Variants in EVL observed in about 807,000 individuals in gnomAD.
EVL encodes Enah/Vasp-like, also known as ena/VASP-like protein.
In EVL, 21 loss-of-function variants were observed where a neutral mutation model predicts 59.6. The observed-to-expected ratio is 0.35, with a 90% CI of 0.25 to 0.51. The LOEUF is 0.51. Among genes scored for constraint, EVL ranks in the 20% least tolerant of loss-of-function variants. The pLI, the probability that EVL is intolerant of heterozygous loss-of-function variation, is 0.97. For synonymous variants in EVL, 198 were observed against 203.5 expected (o/e 0.97, Z 0.23); for missense variants, 462 against 546.6 (o/e 0.85, Z 1.54).
At position 100,041,903 on chromosome 14, in the gene EVL, T is replaced by C. The variant is rs577019375; in HGVS notation, c.6-42784T>C. Among the ~76,000 whole-genome samples the C allele has an allele frequency of 2.0e-5, 3 of 152,288 alleles. No homozygotes were observed. The South Asian group carries it at 6.2e-4, about 32-fold the overall frequency. ...AAACATTTCTAAGGTGGGAATCAAT[T>C]AATTGGAGAACAGAGAATAGTGAAT... On this transcript the variant is annotated intron_variant, in intron 1 of 13. Coordinates refer to the EVL transcript ENST00000402714.
rs1013028657 is a variant in EVL at position 100,143,848 on chromosome 14, G to A, written c.*110G>A. The A allele has an allele frequency of 2.0e-5, 27 of 1,343,040 alleles. No individual in the cohort carries two copies. Among genetic ancestry groups the A allele is most frequent in the Non-Finnish European group, 2.6e-5 (25 of 969,852 alleles). The allele number at this position is 1,343,040 out of a possible 1,614,324, so 83.2% of individuals were successfully genotyped here. On this transcript the variant is annotated 3_prime_UTR_variant, in exon 14 of 14. Transcript: ENST00000392920. ...CACCAGAGCACGCACAGGAGCCTGG[G>A]CGCGCTGCTGTGAAACGTCCTGACC...
chr14:99,974,042 C>A (rs1235248404), intron 1 of EVL, among the ~76,000 whole-genome samples: 3 of 152,092 alleles, frequency 2.0e-5, no homozygotes, highest in Admixed American at 1.3e-4. Context: ...GCAACAAATT[C>A]TTAGTGTTTG....
chr14:100,033,777 A>T (rs1354061610), intron 1 of EVL, among the ~76,000 whole-genome samples: 1 of 152,222 alleles, frequency 6.6e-6, no homozygotes. Context: ...AGTGAGTCAT[A>T]TGCTGGTTTA....
At chr14:100,038,631 G>C (rs958031859) in intron 1 of EVL, among the ~76,000 whole-genome samples, 1 of 152,088 alleles carries the variant, frequency 6.6e-6, no homozygotes, top group Non-Finnish European at 1.5e-5. Context: ...ATTATTAACT[G>C]CTCATAATAA....
chr14:99,996,353 G>A (rs892205347), intron 1 of EVL, among the ~76,000 whole-genome samples: 1 of 151,984 alleles, frequency 6.6e-6, no homozygotes, highest in African/African-American at 2.4e-5. Context: ...AGGAGGATCT[G>A]GTGTTTTCTA....
intron 1 of EVL, among the ~76,000 whole-genome samples, chr14:100,010,617 A>T (rs58361754): frequency 0.054 from 8,200 of 152,180 alleles, 782 homozygotes; most frequent in African/African-American, 0.19. Flanking sequence ...GGCTGGTCTC[A>T]AACTCCTGAC....
chr14:100,023,152 C>A (rs949901197), intron 1 of EVL, among the ~76,000 whole-genome samples: 1 of 151,420 alleles, frequency 6.6e-6, no homozygotes, highest in Non-Finnish European at 1.5e-5. Context: ...GCAAGCTGTT[C>A]TAGCTGGCTC....
At chr14:100,088,266 A>C (rs1034530445) in intron 2 of EVL, among the ~76,000 whole-genome samples, 9 of 152,206 alleles carry the variant, frequency 5.9e-5, no homozygotes, top group Non-Finnish European at 1.0e-4. Flanking sequence ...AGATCCAGGC[A>C]TATATGGGGT....
In EVL at chr14:100,110,325, G is replaced by T. The variant is rs189251799; in HGVS notation, c.358+12667G>T. Among the ~76,000 whole-genome samples, 137 of 152,146 alleles carry T rather than the reference G, an allele frequency of 9.0e-4. No individual in the cohort carries two copies. In the South Asian group the frequency reaches 9.3e-3, roughly 10 times the overall value. On this transcript the variant is annotated intron_variant, in intron 3 of 13. Transcript: ENST00000392920. ...GGAGTCTGAGGCTGCAGTGAGCCAT[G>T]GTTACACCACTGCACTTCAGCCTGG... is the stretch of plus-strand genomic sequence containing the variant.
chr14:100,112,700 C>T (rs924129022), intron 3 of EVL, among the ~76,000 whole-genome samples: 7 of 152,200 alleles, frequency 4.6e-5, no homozygotes, highest in African/African-American at 7.2e-5. Flanking sequence ...TCACTTCTTC[C>T]GGGTGTCTGC....
intron 2 of EVL, among the ~76,000 whole-genome samples, chr14:100,089,894 C>T (rs1423579902): frequency 2.0e-5 from 3 of 152,096 alleles, no homozygotes; most frequent in African/African-American, 7.2e-5. Context: ...GGTGGTACTA[C>T]TGCACTCCAG....
At chr14:100,051,346 T>G (rs1165030403) in intron 1 of EVL, among the ~76,000 whole-genome samples, 3 of 152,174 alleles carry the variant, frequency 2.0e-5, no homozygotes, top group African/African-American at 7.2e-5. Flanking sequence ...TTGCTTATGA[T>G]GTATACATAG....
At chr14:100,067,579 G>T (rs1383984459) in intron 1 of EVL, among the ~76,000 whole-genome samples, 2 of 152,218 alleles carry the variant, frequency 1.3e-5, no homozygotes, top group African/African-American at 2.4e-5. Context: ...GCCTCAGCGG[G>T]ACTACAGGTG....
intron 1 of EVL, among the ~76,000 whole-genome samples, chr14:100,054,968 A>C (rs1348179674): frequency 6.6e-6 from 1 of 152,080 alleles, no homozygotes; most frequent in Non-Finnish European, 1.5e-5. Flanking sequence ...TTGGGAGGCC[A>C]AGGTGGGCAG....
rs370121912 is a variant in EVL at position 100,143,735 on chromosome 14, G to T, written c.1254G>T (p.Thr418=). The T allele has an allele frequency of 4.3e-5, 69 of 1,612,266 alleles. No individual in the cohort carries two copies. The highest frequency in any genetic ancestry group is 5.7e-5 in the Non-Finnish European group (67 of 1,179,876). The change falls in exon 14 of 14, where the codon ACG becomes ACT. Residue 418 remains threonine (T), a synonymous_variant. Transcript: ENST00000392920. ...IRQELSGIST[T] ...AGGAGCTGAGTGGGATCAGCACCAC[G>T]TAAGGGGCCGGCCTCGCTGCGCTGA...
At chr14:100,078,450 T>A (rs1410014341) in intron 1 of EVL, among the ~76,000 whole-genome samples, 1 of 151,946 alleles carries the variant, frequency 6.6e-6, no homozygotes, top group African/African-American at 2.4e-5. Flanking sequence ...GCCCAGTGAC[T>A]CGAGAGCCGG....
intron 1 of EVL, among the ~76,000 whole-genome samples, chr14:100,081,203 TGTATGATACAGA>T (rs1384767789): frequency 6.6e-6 from 1 of 152,186 alleles, no homozygotes; most frequent in African/African-American, 2.4e-5. Flanking sequence ...AGGGAGGGTG[TGTATGATACAGA>T]GTTTGAGTAT....
chr14:100,016,018 G>A lies in EVL; in HGVS notation c.5+43961G>A, dbSNP rs141593830. ...CACATGAACCTGGGAGGCAGAGGTT[G>A]CAGTGAGCTGAGATTGCACCACTGC... On this transcript the variant is annotated intron_variant, in intron 1 of 13. Transcript: ENST00000402714. 6.0e-4 allele frequency among the ~76,000 whole-genome samples: 91 copies of A among 151,728 alleles called. 1 individual carries two copies. The highest frequency in any genetic ancestry group is 2.0e-3 in the African/African-American group (82 of 41,460).
chr14:100,098,415 C>G (rs942623463), intron 3 of EVL, among the ~76,000 whole-genome samples: 12 of 152,128 alleles, frequency 7.9e-5, no homozygotes, highest in Non-Finnish European at 1.5e-4. Flanking sequence ...TTTCTGGGGC[C>G]TGGAGTGCAG....
Sources: gnomAD v4.1 joint callset for allele counts (sites outside exome capture counted in the v4.1 genomes callset) on GRCh38, gnomAD v4.1.1 for gene constraint, MANE v1.5 for transcripts, NCBI Gene and HGNC (gene_info 2026-07-23, HGNC 2026-07-21) for gene names.